FAM167A: variants seen among roughly 807,000 people sequenced by gnomAD.
FAM167A encodes protein FAM167A.
Under a neutral mutation model 14.9 loss-of-function variants are expected in FAM167A, and 23 were observed. The observed-to-expected ratio is 1.55, with a 90% CI of 1.11 to 2.19. FAM167A has a LOEUF of 2.19. FAM167A is among the 30% of genes most tolerant of loss of function. The pLI is 0.00. For missense variants in FAM167A, 401 were observed against 281.5 expected (o/e 1.42, Z -3.04); for synonymous variants, 174 against 117.7 (o/e 1.48, Z -3.10).
At chr8:11,445,063 G>A (rs758109399) in intron 1 of FAM167A, 18 of 905,416 alleles carry the variant, frequency 2.0e-5, no homozygotes, top group Admixed American at 6.2e-5. Flanking sequence ...CTTATTTAAT[G>A]CCCCCAGCAA....
In FAM167A at chr8:11,458,785, G is replaced by GA. The variant is rs149357201; in HGVS notation, c.-398+7840dup. Reference sequence around the variant, plus strand: ...AAGCCTGAGGTAAGGCGAACTAAGGGAAAAAAAAAACAGAAAGAGAGAGAA... The same window carrying GA: ...AAGCCTGAGGTAAGGCGAACTAAGGGAAAAAAAAAAACAGAAAGAGAGAGAA... On this transcript the variant is annotated intron_variant, in intron 1 of 2. Coordinates refer to ENST00000284486, the MANE Select transcript of FAM167A (RefSeq NM_053279.3). Among the ~76,000 whole-genome samples, 247 of 147,760 alleles carry GA rather than the reference G, an allele frequency of 1.7e-3. 2 individuals carry two copies. Among genetic ancestry groups the GA allele is most frequent in the East Asian group, 5.9e-3 (30 of 5,072 alleles).
intron 1 of FAM167A, among the ~76,000 whole-genome samples, chr8:11,450,484 G>T (rs1033681882): frequency 1.3e-5 from 2 of 152,194 alleles, no homozygotes; most frequent in African/African-American, 4.8e-5. Flanking sequence ...GAGCTTATAA[G>T]TGGTGAAGCT....
intron 1 of FAM167A, among the ~76,000 whole-genome samples, chr8:11,457,374 A>G (rs1310787212): frequency 1.3e-5 from 2 of 151,940 alleles, no homozygotes; most frequent in Admixed American, 6.5e-5. Context: ...CTGTGCCACA[A>G]TGTCATATGC....
chr8:11,430,775 G>C (rs1160316705), intron 2 of FAM167A, among the ~76,000 whole-genome samples: 3 of 152,160 alleles, frequency 2.0e-5, no homozygotes, highest in Admixed American at 1.3e-4. Context: ...GGCTGGAGGA[G>C]ACGGCCAAGG....
At position 11,427,093 on chromosome 8, in the gene FAM167A, A is replaced by T. The variant is rs1229468132; in HGVS notation, c.382-2457T>A. ...TAGGTTTTGTCTTTGCAGCTATCTT[A>T]TCTAGAAATAAAATGGGAGGCAGCT... On this transcript the variant is annotated intron_variant, in intron 2 of 2. Transcript: ENST00000284486. Among the ~76,000 whole-genome samples the T allele has an allele frequency of 3.3e-5, 5 of 152,334 alleles. No homozygotes were observed. The South Asian group carries it at 1.0e-3, about 32-fold the overall frequency.
intron 2 of FAM167A, among the ~76,000 whole-genome samples, chr8:11,426,152 T>A (rs1805127270): frequency 6.6e-6 from 1 of 152,230 alleles, no homozygotes; most frequent in Non-Finnish European, 1.5e-5. Context: ...CTTAACTCTT[T>A]CAATCAACTG....
At chr8:11,446,721 G>C (rs542900974) in intron 1 of FAM167A, 1 of 152,296 alleles carries the variant, frequency 6.6e-6, no homozygotes, top group East Asian at 1.9e-4. Flanking sequence ...CGCTAAGTCC[G>C]CAAATGCGAA....
At chr8:11,435,423 T>C (rs1805940041) in intron 2 of FAM167A, among the ~76,000 whole-genome samples, 1 of 152,254 alleles carries the variant, frequency 6.6e-6, no homozygotes, top group Non-Finnish European at 1.5e-5. Context: ...CCACAGTGCC[T>C]AGGGCATGCT....
intron 1 of FAM167A, among the ~76,000 whole-genome samples, chr8:11,451,697 C>T (rs977927819): frequency 1.3e-5 from 2 of 152,178 alleles, no homozygotes; most frequent in Non-Finnish European, 2.9e-5. Context: ...GGCCCCGACT[C>T]TGAATTGGGT....
Position 11,424,393 on chromosome 8 carries a change from G to T in FAM167A, c.625C>A (p.Arg209=). ...GCTCCTCAGCAGAGAGAGAACCTCC[G>T]AGAGTTGATGTTCATCTTGGTCACG... ...IGVTKMNINS[R]RFSLC is the part of the protein sequence containing the mutation. Residue 209 remains arginine (R), a synonymous_variant, in exon 3 of 3, where the codon CGG becomes AGG. Transcript: ENST00000284486. 1.2e-6 allele frequency: 2 copies of T among 1,614,080 alleles called. No individual in the cohort carries two copies. Among genetic ancestry groups the T allele is most frequent in the Non-Finnish European group, 1.7e-6 (2 of 1,180,010 alleles).
upstream of FAM167A, among the ~76,000 whole-genome samples, chr8:11,470,852 C>T (rs773645760): frequency 2.0e-5 from 3 of 152,024 alleles, no homozygotes; most frequent in African/African-American, 4.8e-5. Context: ...CAAGAAGAAG[C>T]GGGAAGTGAC....
upstream of FAM167A, among the ~76,000 whole-genome samples, chr8:11,472,241 G>C (rs1034888489): frequency 6.6e-6 from 1 of 151,968 alleles, no homozygotes; most frequent in Non-Finnish European, 1.5e-5. Context: ...ATCACCTCCC[G>C]TATCCTGCCC....
rs576353687 is a variant in FAM167A, at chr8:11,460,442, G to A, written c.-398+6184C>T. Among the ~76,000 whole-genome samples the A allele has an allele frequency of 6.6e-5, 10 of 152,240 alleles. No individual in the cohort carries two copies. In the East Asian group the frequency reaches 1.9e-3, roughly 29 times the overall value. The stretch of plus-strand genomic sequence containing the variant: ...GAGTCAGCCCACAGCAGCAGGTAGT[G>A]GGACCACCATGTCATGGAGCCACCC... On this transcript the variant is annotated intron_variant, in intron 1 of 2. Transcript: ENST00000284486.
chr8:11,473,809 G>C (rs1411373346), intron 1 of FAM167A, among the ~76,000 whole-genome samples: 1 of 152,178 alleles, frequency 6.6e-6, no homozygotes, highest in Non-Finnish European at 1.5e-5. Flanking sequence ...GACAGTCTTA[G>C]ACAGGGAGTA....
At chr8:11,443,745 G>C (rs1195979046) in intron 2 of FAM167A, 2 of 379,400 alleles carry the variant, frequency 5.3e-6, no homozygotes, top group South Asian at 2.9e-5. Flanking sequence ...GCGGTGTTGG[G>C]GGGAGGGGGG....
intron 1 of FAM167A, among the ~76,000 whole-genome samples, chr8:11,462,662 C>T (rs1032479792): frequency 2.0e-5 from 3 of 152,156 alleles, no homozygotes; most frequent in Non-Finnish European, 4.4e-5. Flanking sequence ...GCATTTGGAT[C>T]CTAAACTCCT....
chr8:11,431,305 C>A (rs947264152), intron 2 of FAM167A, among the ~76,000 whole-genome samples: 1 of 152,212 alleles, frequency 6.6e-6, no homozygotes, highest in African/African-American at 2.4e-5. Flanking sequence ...GGCCAAATAC[C>A]GTAGGATTCC....
At chr8:11,454,498 A>G (rs543823963) in intron 1 of FAM167A, among the ~76,000 whole-genome samples, 36 of 152,348 alleles carry the variant, frequency 2.4e-4, no homozygotes, top group African/African-American at 6.3e-4. Flanking sequence ...GGCAGGGGCC[A>G]TGAGCTGGGA....
chr8:11,426,846 T>G (rs902853251), intron 2 of FAM167A, among the ~76,000 whole-genome samples: 4 of 152,182 alleles, frequency 2.6e-5, no homozygotes, highest in African/African-American at 9.7e-5. Flanking sequence ...AATCTGCATT[T>G]TTATAGAAGA....
Sources: allele counts gnomAD v4.1 joint callset (sites outside exome capture counted in the v4.1 genomes callset), GRCh38; gene constraint gnomAD v4.1.1; transcripts MANE v1.5; gene names NCBI Gene and HGNC (gene_info 2026-07-23, HGNC 2026-07-21).